The following CCNH variants were observed in gnomAD, a reference collection of about 807,000 sequenced individuals.
The protein encoded by CCNH is cyclin-H.
A neutral mutation model predicts 41.9 loss-of-function variants in CCNH; 31 were observed. The ratio of observed to expected loss-of-function variants is 0.74; its 90% CI spans 0.56 to 1.00. The LOEUF is 1.00. Ranked by LOEUF, CCNH falls within the 50% of genes least tolerant of loss-of-function variation. The pLI is 0.00. For synonymous variants in CCNH, 138 were observed against 136.1 expected (o/e 1.01, Z -0.10); for missense variants, 362 against 388.4 (o/e 0.93, Z 0.57).
chr5:87,315,241 A>G (rs1756236126), downstream of CCNH, among the ~76,000 whole-genome samples: 2 of 152,226 alleles, frequency 1.3e-5, no homozygotes, highest in South Asian at 2.1e-4. Flanking sequence ...ATTTCTTACA[A>G]TTTTGGATGC....
chr5:87,361,509 C>T (rs577394205), intron 9 of CCNH, among the ~76,000 whole-genome samples: 2 of 152,072 alleles, frequency 1.3e-5, no homozygotes, highest in Non-Finnish European at 2.9e-5. Flanking sequence ...AAATATGAAT[C>T]CTTGCAAAAT....
At chr5:87,319,868 C>A (rs1756652980) in intron 9 of CCNH, among the ~76,000 whole-genome samples, 4 of 152,202 alleles carry the variant, frequency 2.6e-5, no homozygotes, top group Admixed American at 2.6e-4. Flanking sequence ...GCAAAATTTC[C>A]AAACTTTTAT....
intron 4 of CCNH, among the ~76,000 whole-genome samples, chr5:87,405,239 G>A (rs1271069536): frequency 6.6e-6 from 1 of 152,176 alleles, no homozygotes; most frequent in Non-Finnish European, 1.5e-5. Flanking sequence ...TGAGTCTAAA[G>A]TAGGGCCAAG....
At chr5:87,401,386 C>A (rs1481628016) in intron 6 of CCNH, among the ~76,000 whole-genome samples, 1 of 152,164 alleles carries the variant, frequency 6.6e-6, no homozygotes, top group African/African-American at 2.4e-5. Flanking sequence ...AAGTTATTTC[C>A]CATTACATCT....
intron 9 of CCNH, among the ~76,000 whole-genome samples, chr5:87,367,601 C>A (rs1445901558): frequency 2.0e-5 from 3 of 152,174 alleles, no homozygotes; most frequent in African/African-American, 7.2e-5. Context: ...TATTAAACTT[C>A]TAACTTTTAA....
In CCNH at chr5:87,357,164, A is replaced by AT. The variant is rs994726740; in HGVS notation, c.*90+35605dup. Among the ~76,000 whole-genome samples the AT allele has an allele frequency of 7.3e-3, 1,098 of 150,002 alleles. 14 individuals carry two copies. Among genetic ancestry groups the AT allele is most frequent in the African/African-American group, 0.024 (973 of 40,994 alleles). ...TCCATCTTGTTTCACTTTTTGAGTA[A>AT]TTTTTTTTTTATTACCGCAGAGTAA... is the stretch of plus-strand genomic sequence containing the variant. On this transcript the variant is annotated intron_variant and NMD_transcript_variant, in intron 9 of 9. Transcript: ENST00000645953.
chr5:87,373,054 G>T (rs1052856177), downstream of CCNH, among the ~76,000 whole-genome samples: 1 of 151,980 alleles, frequency 6.6e-6, no homozygotes, highest in Non-Finnish European at 1.5e-5. Context: ...TTGGATTTTT[G>T]CTAATAAGAG....
intron 9 of CCNH, among the ~76,000 whole-genome samples, chr5:87,324,235 C>T (rs1394020634): frequency 6.6e-6 from 1 of 152,170 alleles, no homozygotes; most frequent in Non-Finnish European, 1.5e-5. Context: ...TGAAAATGTG[C>T]TGTAGGTACT....
chr5:87,377,654 G>A (rs367665779), upstream of CCNH, among the ~76,000 whole-genome samples: 2 of 152,016 alleles, frequency 1.3e-5, no homozygotes, highest in South Asian at 4.1e-4. Flanking sequence ...CACAGAAGCT[G>A]GGTGTCAGCT....
At chr5:87,401,524 T>C (rs2112561963) in intron 6 of CCNH, among the ~76,000 whole-genome samples, 178 bp downstream of exon 6, 2 of 152,336 alleles carry the variant, frequency 1.3e-5, no homozygotes, top group South Asian at 4.1e-4. Flanking sequence ...TACTTCCTTC[T>C]ATATACCTTC....
intron 9 of CCNH, chr5:87,331,061 T>C: frequency 7.0e-6 from 8 of 1,151,066 alleles, no homozygotes; most frequent in Non-Finnish European, 7.1e-6. Context: ...GTTTATATTT[T>C]GAATAGCAGG....
intron 9 of CCNH, among the ~76,000 whole-genome samples, chr5:87,328,500 T>A (rs946409564): frequency 4.6e-5 from 7 of 152,226 alleles, no homozygotes; most frequent in African/African-American, 7.2e-5. Context: ...GTAGCATTTT[T>A]AAAAATTGAG....
downstream of CCNH, chr5:87,393,537 G>GTAA (rs750795088): frequency 6.6e-6 from 1 of 152,190 alleles, no homozygotes; most frequent in African/African-American, 2.4e-5. Flanking sequence ...GTAATTTGCT[G>GTAA]TAATAGTCTG....
chr5:87,363,784 T>G (rs10053169), intron 9 of CCNH, among the ~76,000 whole-genome samples: 7 of 152,126 alleles, frequency 4.6e-5, no homozygotes, highest in African/African-American at 1.7e-4. Flanking sequence ...TTTGAGTCTT[T>G]GTCACCTTTC....
At chr5:87,365,440 A>G (rs768326484) in intron 9 of CCNH, among the ~76,000 whole-genome samples, 1 of 152,128 alleles carries the variant, frequency 6.6e-6, no homozygotes, top group Non-Finnish European at 1.5e-5. Flanking sequence ...CTTTATTCAC[A>G]GCTTCATTAT....
chr5:87,352,161 T>C (rs1759322120), intron 9 of CCNH, among the ~76,000 whole-genome samples: 1 of 151,766 alleles, frequency 6.6e-6, no homozygotes, highest in African/African-American at 2.4e-5. Flanking sequence ...CCTCTGTGGC[T>C]TGTGTTAAAT....
chr5:87,324,374 T>G (rs1757064484), intron 9 of CCNH, among the ~76,000 whole-genome samples: 1 of 152,174 alleles, frequency 6.6e-6, no homozygotes, highest in Non-Finnish European at 1.5e-5. Flanking sequence ...CGTTATCTGT[T>G]TACTAGGGTG....
At chr5:87,355,755 G>C (rs1759603185) in intron 9 of CCNH, among the ~76,000 whole-genome samples, 1 of 152,198 alleles carries the variant, frequency 6.6e-6, no homozygotes, top group African/African-American at 2.4e-5. Flanking sequence ...TCATTCTAGA[G>C]GCCATTAAGA....
chr5:87,346,348 C>T lies in CCNH; in HGVS notation c.*91-27451G>A, dbSNP rs77327598. On this transcript the variant is annotated intron_variant and NMD_transcript_variant, in intron 9 of 9. Transcript: ENST00000645953. ...TCTGGAGTAGGCTCTATCTGTACTA[C>T]TCCTCCTTCCCCTTACCCCACAAAA... Among the ~76,000 whole-genome samples the T allele has an allele frequency of 6.7e-3, 1,025 of 151,924 alleles. 14 individuals are homozygous for T. The highest frequency in any genetic ancestry group is 0.023 in the African/African-American group (964 of 41,476).
Sources: allele counts gnomAD v4.1 joint callset (sites outside exome capture counted in the v4.1 genomes callset), GRCh38; gene constraint gnomAD v4.1.1; transcripts MANE v1.5; gene names NCBI Gene and HGNC (gene_info 2026-07-23, HGNC 2026-07-21).